TEX9: variants seen among roughly 807,000 people sequenced by gnomAD.
TEX9 encodes the protein testis expressed 9.
A neutral mutation model predicts 59.6 loss-of-function variants in TEX9; 74 were observed. The observed-to-expected ratio is 1.24, with a 90% confidence interval of 1.03 to 1.51. The LOEUF (loss-of-function observed/expected upper bound fraction) is 1.51, where lower values mean the gene tolerates loss of function less well. Among genes scored for constraint, TEX9 ranks in the 40% most tolerant of loss-of-function variants. The pLI is 0.00. For missense variants in TEX9, 522 were observed against 447.8 expected, an observed-to-expected ratio of 1.17 and a Z score of -1.49; for synonymous variants, 186 against 152.2, an observed-to-expected ratio of 1.22 and a Z score of -1.64.
intron 1 of TEX9, among the ~76,000 whole-genome samples, chr15:56,292,586 G>A (rs2045121195): frequency 6.6e-6 from 1 of 152,186 alleles, no homozygotes; most frequent in Admixed American, 6.5e-5. Flanking sequence ...TGTCAATGGG[G>A]AGGGGAATCT....
Position 56,400,200 on chromosome 15 carries a change from A to T in TEX9, c.828+5366A>T, listed in dbSNP as rs117712963. On this transcript the variant is annotated intron_variant, in intron 9 of 12. Coordinates refer to ENST00000352903, the Ensembl canonical transcript of TEX9. ...AACTTCTCTGAGCTAAAGGATCATG[A>T]TGTTCTAACCCAACACAAGGAAGCT... Among the ~76,000 whole-genome samples, 1,322 of 152,332 alleles carry T rather than the reference A, an allele frequency of 8.7e-3. 6 individuals are homozygous for T. Among genetic ancestry groups the T allele is most frequent in the Admixed American group, 0.014 (216 of 15,300 alleles).
chr15:56,270,790 G>T (rs2044509807), intron 1 of TEX9, among the ~76,000 whole-genome samples: 1 of 152,166 alleles, frequency 6.6e-6, no homozygotes, highest in African/African-American at 2.4e-5. Flanking sequence ...TCCTTTCCAT[G>T]TTTAGTGCTT....
chr15:56,249,008 T>C (rs1031236734), intron 1 of TEX9: 2 of 152,164 alleles, frequency 1.3e-5, no homozygotes, highest in African/African-American at 4.8e-5. Flanking sequence ...CTTAGAAAGA[T>C]TAAAAAATAA....
intron 1 of TEX9, among the ~76,000 whole-genome samples, chr15:56,265,392 C>T (rs1352670092): frequency 4.6e-5 from 7 of 151,784 alleles, no homozygotes; most frequent in East Asian, 1.9e-4. Flanking sequence ...AGGCTGGTCT[C>T]GAACTCCTGG....
At chr15:56,315,664 G>A (rs1172914296) in intron 1 of TEX9, among the ~76,000 whole-genome samples, 17 of 143,584 alleles carry the variant, frequency 1.2e-4, no homozygotes, top group Non-Finnish European at 2.0e-4. Context: ...TCTTTGTGGC[G>A]TTCTCTGTAT....
intron 1 of TEX9, among the ~76,000 whole-genome samples, chr15:56,352,547 C>T (rs1174412625): frequency 6.6e-6 from 1 of 152,056 alleles, no homozygotes; most frequent in East Asian, 1.9e-4. Context: ...GCCATCATGC[C>T]CCGCCCTGTA....
intron 1 of TEX9, among the ~76,000 whole-genome samples, chr15:56,318,102 G>A (rs1410825290): frequency 6.6e-6 from 1 of 152,004 alleles, no homozygotes; most frequent in Non-Finnish European, 1.5e-5. Flanking sequence ...TTGTTGAATT[G>A]TCTTATTTCT....
intron 1 of TEX9, among the ~76,000 whole-genome samples, chr15:56,257,829 A>G (rs2044178299): frequency 6.6e-6 from 1 of 151,996 alleles, no homozygotes; most frequent in African/African-American, 2.4e-5. Context: ...TTTTGTTGCA[A>G]TTGCTTTTGG....
exon 2 of TEX9, chr15:56,365,634 C>T (rs2046906146): frequency 6.8e-6 from 11 of 1,614,214 alleles, no homozygotes; most frequent in Non-Finnish European, 9.3e-6. Flanking sequence ...CCCTCTACAC[C>T]TGGACCCGAC....
exon 2 of TEX9, chr15:56,365,600 C>T: frequency 6.2e-7 from 1 of 1,614,194 alleles, no homozygotes; most frequent in South Asian, 1.1e-5. Flanking sequence ...TCCAGGGACT[C>T]CGTTCCCGCC....
intron 1 of TEX9, among the ~76,000 whole-genome samples, chr15:56,260,152 G>A (rs1233609184): frequency 6.6e-6 from 1 of 151,930 alleles, no homozygotes; most frequent in Non-Finnish European, 1.5e-5. Context: ...ATTATTTTGG[G>A]TTTTTCTATA....
upstream of TEX9, among the ~76,000 whole-genome samples, chr15:56,360,572 G>A (rs547882217): frequency 6.6e-6 from 1 of 151,960 alleles, no homozygotes; most frequent in South Asian, 2.1e-4. Flanking sequence ...TCTAATGTTG[G>A]TACTGTATTG....
rs568441429 is a variant in TEX9, at chr15:56,383,275, G to C, written c.184-677G>C. 2.0e-5 allele frequency among the ~76,000 whole-genome samples: 3 copies of C among 152,218 alleles called. No homozygotes were observed. In the South Asian group the frequency reaches 6.2e-4, roughly 32 times the overall value. On this transcript the variant is annotated intron_variant, in intron 3 of 12. Transcript: ENST00000352903. ...GCACAGCCACTGCAGGAGTGAGTCA[G>C]GAAGGGGTGGTGTCAGCTTTTTAAG...
At chr15:56,384,071 A>G (rs774787828) in intron 4 of TEX9, 40 bp downstream of exon 4, 2 of 1,463,000 alleles carry the variant, frequency 1.4e-6, no homozygotes, top group South Asian at 2.4e-5. Context: ...TTTTAAAAGG[A>G]TGTACATGGA....
At chr15:56,328,084 C>T (rs1412426586) in intron 1 of TEX9, among the ~76,000 whole-genome samples, 1 of 151,820 alleles carries the variant, frequency 6.6e-6, no homozygotes, top group Non-Finnish European at 1.5e-5. Context: ...AGCCCCGCTT[C>T]CTTCTGCTTG....
intron 9 of TEX9, chr15:56,408,763 C>T (rs1433211842): frequency 6.6e-6 from 1 of 152,256 alleles, no homozygotes; most frequent in Non-Finnish European, 1.5e-5. Flanking sequence ...CCTGTCAATT[C>T]TGTCTTCAAA....
chr15:56,372,480 A>G (rs988442863), intron 2 of TEX9, among the ~76,000 whole-genome samples: 5 of 152,252 alleles, frequency 3.3e-5, no homozygotes, highest in Non-Finnish European at 7.3e-5. Flanking sequence ...CAACAGGAGA[A>G]AAAAGTTATA....
At chr15:56,294,043 C>T (rs1465557613) in intron 1 of TEX9, among the ~76,000 whole-genome samples, 7 of 152,320 alleles carry the variant, frequency 4.6e-5, no homozygotes, top group Admixed American at 3.3e-4. Context: ...AGACACTGCT[C>T]CTTCTGACTG....
At chr15:56,351,762 T>C (rs972010136) in intron 1 of TEX9, among the ~76,000 whole-genome samples, 22 of 152,258 alleles carry the variant, frequency 1.4e-4, no homozygotes, top group African/African-American at 5.3e-4. Context: ...GGCACAAAGA[T>C]TGGATTAATA....
Sources: gnomAD v4.1 joint callset for allele counts (sites outside exome capture counted in the v4.1 genomes callset) on GRCh38, gnomAD v4.1.1 for gene constraint, MANE v1.5 for transcripts, NCBI Gene and HGNC (gene_info 2026-07-23, HGNC 2026-07-21) for gene names.